Variants in NEK11 observed in about 807,000 individuals in gnomAD.
NEK11 encodes the protein serine/threonine-protein kinase Nek11.
In NEK11, 72 loss-of-function variants were observed where a neutral mutation model predicts 80.7. The observed-to-expected ratio is 0.89, with a 90% CI of 0.74 to 1.08. The LOEUF is 1.08. Among genes scored for constraint, NEK11 ranks in the 50% least tolerant of loss-of-function variants. The pLI is 0.00. For missense variants in NEK11, 764 were observed against 763.6 expected (o/e 1.00, Z -0.01); for synonymous variants, 251 against 260.7 (o/e 0.96, Z 0.36).
At chr3:131,200,663 C>G (rs2094192862) in intron 14 of NEK11, among the ~76,000 whole-genome samples, 2 of 152,148 alleles carry the variant, frequency 1.3e-5, no homozygotes, top group South Asian at 2.1e-4. Context: ...ATCAAAGAAC[C>G]AAAACTCACC....
intron 16 of NEK11, among the ~76,000 whole-genome samples, chr3:131,250,408 TTATCTA>T: frequency 6.6e-6 from 1 of 152,208 alleles, no homozygotes; most frequent in African/African-American, 2.4e-5. Context: ...CTACAAATAT[TTATCTA>T]TCCAAACTAT....
intron 17 of NEK11, among the ~76,000 whole-genome samples, chr3:131,274,410 A>G (rs2108707288): frequency 6.9e-6 from 1 of 145,938 alleles, no homozygotes; most frequent in Admixed American, 6.8e-5. Context: ...GTAGTGCCAC[A>G]ATAAACATAC....
At chr3:131,152,279 ATGTT>A (rs2089804086) in intron 7 of NEK11, 105 bp from the exon 8 acceptor site, 22 of 838,698 alleles carry the variant, frequency 2.6e-5, no homozygotes, top group Non-Finnish European at 4.0e-5. Flanking sequence ...TACTGATTGT[ATGTT>A]TGTGCCTCAC....
intron 17 of NEK11, among the ~76,000 whole-genome samples, chr3:131,307,407 A>C (rs1052864062): frequency 2.0e-5 from 3 of 152,244 alleles, no homozygotes; most frequent in African/African-American, 7.2e-5. Flanking sequence ...ACTCTTTGTC[A>C]AAAGGATTTG....
rs761658685 is a variant in NEK11, at chr3:131,152,678, T to A, written c.845T>A (p.Leu282Ter). ...PSLRPSAIEI[L>*]KIPYLDEQLQ... Reference sequence around the variant, plus strand: ...TTAAGACCATCTGCTATCGAAATTTTAAAAATCCCTTACCTTGATGAGCAG... The same window carrying A: ...TTAAGACCATCTGCTATCGAAATTTAAAAAATCCCTTACCTTGATGAGCAG... The change falls in exon 9 of 18, where the codon TTA (leucine) becomes TAA (stop). Residue 282 changes from leucine (L) to a stop codon, truncating the protein, a stop_gained. Coordinates refer to ENST00000383366, the MANE Select transcript of NEK11 (RefSeq NM_024800.5). LOFTEE classifies it high-confidence loss of function. 3 of 1,613,472 alleles carry A rather than the reference T, an allele frequency of 1.9e-6. No homozygotes were observed. Among genetic ancestry groups the A allele is most frequent in the South Asian group, 1.1e-5 (1 of 91,006 alleles).
chr3:131,199,832 A>T (rs2094161221), intron 14 of NEK11, among the ~76,000 whole-genome samples: 1 of 152,198 alleles, frequency 6.6e-6, no homozygotes, highest in African/African-American at 2.4e-5. Flanking sequence ...GAAAGGTGAG[A>T]ATACATTAGA....
At chr3:131,133,989 G>T (rs2085049491) in intron 7 of NEK11, 33 bp downstream of exon 7, 1 of 1,544,174 alleles carries the variant, frequency 6.5e-7, no homozygotes, top group Non-Finnish European at 8.7e-7. Flanking sequence ...CTCTTCATCT[G>T]CTTCCCTAAA....
chr3:131,176,537 G>A (rs2093026283), intron 14 of NEK11, among the ~76,000 whole-genome samples: 1 of 152,176 alleles, frequency 6.6e-6, no homozygotes, highest in South Asian at 2.1e-4. Flanking sequence ...TAATTAGAAT[G>A]AATCTAATAC....
At chr3:131,294,334 A>G (rs2096572449) in intron 17 of NEK11, among the ~76,000 whole-genome samples, 1 of 152,112 alleles carries the variant, frequency 6.6e-6, no homozygotes. Flanking sequence ...TGTGTTATTT[A>G]GAAGTGTGTT....
chr3:131,115,953 T>TCTTC (rs2081078774), intron 5 of NEK11, among the ~76,000 whole-genome samples: 3 of 126,580 alleles, frequency 2.4e-5, no homozygotes, highest in Admixed American at 2.3e-4. Flanking sequence ...TTTCTTTCTT[T>TCTTC]CTTTCTTTCT....
intron 3 of NEK11, among the ~76,000 whole-genome samples, chr3:131,047,830 A>G (rs1367642305): frequency 1.3e-5 from 2 of 152,210 alleles, no homozygotes; most frequent in Non-Finnish European, 2.9e-5. Flanking sequence ...AGGTGGGACC[A>G]TAGAGCTCCC....
At chr3:131,146,876 G>A (rs945652441) in intron 7 of NEK11, among the ~76,000 whole-genome samples, 5 of 151,732 alleles carry the variant, frequency 3.3e-5, no homozygotes, top group Admixed American at 2.6e-4. Flanking sequence ...TTTTCTATTG[G>A]ATTCTCTCAT....
chr3:131,155,062 G>A lies in NEK11; in HGVS notation c.903G>A (p.Met301Ile). The A allele has an allele frequency of 6.2e-7, 1 of 1,610,994 alleles. No homozygotes were observed. The highest frequency in any genetic ancestry group is 1.1e-5 in the South Asian group (1 of 90,972). ...LQNLMCRYSE[M>I]TLEDKNLDCQ... ...ACCTAATGTGTAGATATTCAGAAAT[G>A]ACTCTGGAAGACAAAAATTTGGATT... The change falls in exon 10 of 18, where the codon ATG becomes ATA. Residue 301 changes from methionine to isoleucine, a missense_variant. Physicochemically the swap from Met to Ile is conservative, Grantham distance 10 (BLOSUM62 1). Coordinates refer to ENST00000383366, the MANE Select transcript of NEK11 (RefSeq NM_024800.5).
chr3:131,203,745 ATATG>A (rs1337288060), intron 14 of NEK11, among the ~76,000 whole-genome samples: 9 of 70,056 alleles, frequency 1.3e-4, no homozygotes, highest in South Asian at 5.9e-4. Context: ...GTGTATATAT[ATATG>A]TGTGTGTGTG....
At chr3:131,215,107 A>G (rs2150576737) in intron 14 of NEK11, among the ~76,000 whole-genome samples, 1 of 152,198 alleles carries the variant, frequency 6.6e-6, no homozygotes, top group Non-Finnish European at 1.5e-5. Flanking sequence ...GTTCAGTTCC[A>G]CTTGCAGTTA....
chr3:131,076,313 T>C (rs2148978650), intron 3 of NEK11, among the ~76,000 whole-genome samples: 1 of 152,298 alleles, frequency 6.6e-6, no homozygotes, highest in South Asian at 2.1e-4. Context: ...AAGAAATACA[T>C]GTAGCAAAAA....
chr3:131,144,462 A>T (rs2087698522), intron 7 of NEK11, among the ~76,000 whole-genome samples: 5 of 152,176 alleles, frequency 3.3e-5, no homozygotes, highest in Admixed American at 3.3e-4. Context: ...TTTTAAAAGG[A>T]TGGAAGTGAA....
intron 17 of NEK11, among the ~76,000 whole-genome samples, chr3:131,345,464 G>A (rs1309619476): frequency 6.6e-6 from 1 of 152,134 alleles, no homozygotes; most frequent in Non-Finnish European, 1.5e-5. Context: ...TAATCATTAG[G>A]AAAATGCAAA....
At chr3:131,311,775 C>T (rs1173626514) in intron 17 of NEK11, among the ~76,000 whole-genome samples, 1 of 152,148 alleles carries the variant, frequency 6.6e-6, no homozygotes, top group African/African-American at 2.4e-5. Flanking sequence ...GAGTATAGTT[C>T]TTGCAAATAT....
Sources: allele counts gnomAD v4.1 joint callset (sites outside exome capture counted in the v4.1 genomes callset), GRCh38; gene constraint gnomAD v4.1.1; transcripts MANE v1.5; gene names NCBI Gene and HGNC (gene_info 2026-07-23, HGNC 2026-07-21).